CSTL1: variants seen among roughly 807,000 people sequenced by gnomAD.
CSTL1 encodes the protein cystatin like 1.
CSTL1 carries 14 observed loss-of-function variants against 14.4 expected under a neutral mutation model. The observed-to-expected ratio is 0.97, with a 90% CI of 0.64 to 1.52. The LOEUF (loss-of-function observed/expected upper bound fraction) is 1.52, where lower values mean the gene tolerates loss of function less well. Among genes scored for constraint, CSTL1 ranks in the 40% most tolerant of loss-of-function variants. The pLI is 0.00. For synonymous variants in CSTL1, 72 were observed against 67.5 expected (o/e 1.07, Z -0.33); for missense variants, 170 against 168.7 (o/e 1.01, Z -0.04).
chr20:23,443,565 C>T (rs1986888088), intron 2 of CSTL1, among the ~76,000 whole-genome samples: 1 of 149,812 alleles, frequency 6.7e-6, no homozygotes, highest in Non-Finnish European at 1.5e-5. Flanking sequence ...GCAGAAGGGA[C>T]TGGGGGGGTG....
In CSTL1 at chr20:23,443,997, G is replaced by GAC; in HGVS notation, c.286_287dup (p.Ser97ArgfsTer13). The GAC allele has an allele frequency of 6.2e-7, 1 of 1,614,204 alleles. No homozygotes were observed. The highest frequency in any genetic ancestry group is 2.2e-5 in the East Asian group (1 of 44,880). ...TGGCTGGACCAAATGCAAGAGGAAT[G>GAC]ACACGAGCAATTCTTCCTGCCCCCT... On this transcript the variant is annotated frameshift_variant, in exon 3 of 4. Coordinates refer to ENST00000347397, the MANE Select transcript of CSTL1 (RefSeq NM_138283.1). LOFTEE classifies it low-confidence loss of function (END_TRUNC).
chr20:23,450,924 C>T, the CSTL1 span, among the ~76,000 whole-genome samples: 1 of 152,192 alleles, frequency 6.6e-6, no homozygotes, highest in Non-Finnish European at 1.5e-5. Flanking sequence ...TCTCTTGGCT[C>T]CATTTATTCA....
In CSTL1 at chr20:23,444,824, G is replaced by C; in HGVS notation, c.384G>C (p.Gln128His). ...IYTMPWINYF[Q>H]LWNNSCLEAE... is the part of the protein sequence containing the mutation. The stretch of plus-strand genomic sequence containing the variant: ...CCATGCCCTGGATAAACTATTTCCA[G>C]CTCTGGAACAATTCCTGTCTGGAGG... Residue 128 changes from glutamine to histidine, a missense_variant, in exon 4 of 4, where the codon CAG becomes CAC. Coordinates refer to ENST00000347397, the MANE Select transcript of CSTL1 (RefSeq NM_138283.1). 1 of 1,614,096 alleles carries C rather than the reference G, an allele frequency of 6.2e-7. No homozygotes were observed. Among genetic ancestry groups the C allele is most frequent in the Non-Finnish European group, 8.5e-7 (1 of 1,179,976 alleles).
At chr20:23,449,303 C>G (rs1159085662), downstream of CSTL1, among the ~76,000 whole-genome samples, 2 of 152,130 alleles carry the variant, frequency 1.3e-5, no homozygotes, top group African/African-American at 2.4e-5. Flanking sequence ...AATTCATGCC[C>G]CCTAAGAGCC....
At chr20:23,444,569 G>C (rs1415450512) in intron 3 of CSTL1, among the ~76,000 whole-genome samples, 1 of 152,212 alleles carries the variant, frequency 6.6e-6, no homozygotes, top group Non-Finnish European at 1.5e-5. Context: ...TGGGTCCCAA[G>C]TGGCTGGGTA....
intron 2 of CSTL1, among the ~76,000 whole-genome samples, chr20:23,441,984 G>A (rs6048797): frequency 0.42 from 63,299 of 152,038 alleles, 13,588 homozygotes; most frequent in East Asian, 0.79. Flanking sequence ...CCACAGGCTG[G>A]CTCAGTGAGG....
At chr20:23,459,573 A>G in the CSTL1 span, 1 of 152,130 alleles carries the variant, frequency 6.6e-6, no homozygotes, top group Admixed American at 6.5e-5. Flanking sequence ...ACATGCACGC[A>G]CTTGCCCAAA....
At chr20:23,450,781 A>C in the CSTL1 span, among the ~76,000 whole-genome samples, 4 of 152,248 alleles carry the variant, frequency 2.6e-5, no homozygotes, top group East Asian at 5.8e-4. Flanking sequence ...GCTGAAATCA[A>C]AATAAATATC....
At chr20:23,447,300 T>C (rs1353616537), downstream of CSTL1, among the ~76,000 whole-genome samples, 1 of 152,240 alleles carries the variant, frequency 6.6e-6, no homozygotes, top group Admixed American at 6.5e-5. Flanking sequence ...TAGTTCACTT[T>C]CTTTATTGTA....
chr20:23,454,190 G>T, the CSTL1 span, among the ~76,000 whole-genome samples: 3 of 144,392 alleles, frequency 2.1e-5, no homozygotes, highest in African/African-American at 7.8e-5. Flanking sequence ...CATACACAAT[G>T]ACACTCACAC....
chr20:23,453,010 A>T, the CSTL1 span, among the ~76,000 whole-genome samples: 1 of 152,158 alleles, frequency 6.6e-6, no homozygotes, highest in Non-Finnish European at 1.5e-5. Flanking sequence ...TGGTTTTTGC[A>T]TAAGTTCATG....
Position 23,440,186 on chromosome 20 carries a change from A to C in CSTL1, c.-82A>C, listed in dbSNP as rs1986791432. On this transcript the variant is annotated 5_prime_UTR_variant, in exon 2 of 4. An upstream start codon of the reference 5' UTR is lost. Coordinates refer to ENST00000347397, the MANE Select transcript of CSTL1 (RefSeq NM_138283.1). ...AAAGCCTATGTTGGTGAGGGTTATG[A>C]TGGGAGAATGAGTGAACTGCAGCCT... 1 of 1,434,544 alleles carries C rather than the reference A, an allele frequency of 7.0e-7. No homozygotes were observed. Among genetic ancestry groups the C allele is most frequent in the East Asian group, 2.3e-5 (1 of 43,918 alleles). 88.9% of individuals were successfully genotyped at this position (1,434,544 alleles called of 1,614,324 possible).
chr20:23,456,356 C>G, the CSTL1 span, among the ~76,000 whole-genome samples: 1 of 152,160 alleles, frequency 6.6e-6, no homozygotes, highest in South Asian at 2.1e-4. Context: ...GGGAGGAGTG[C>G]TTGCTTCTTT....
the CSTL1 span, chr20:23,457,545 G>GTA: frequency 1.3e-5 from 2 of 151,526 alleles, no homozygotes; most frequent in South Asian, 2.1e-4. Flanking sequence ...ATGTATGTAT[G>GTA]TATATATATG....
chr20:23,452,254 G>C, the CSTL1 span, among the ~76,000 whole-genome samples: 61,193 of 152,000 alleles, frequency 0.4, 12,594 homozygotes, highest in Middle Eastern at 0.54. Flanking sequence ...TGTGGTCTCT[G>C]TAACTACTCA....
At chr20:23,451,878 A>G in the CSTL1 span, 38 of 1,613,920 alleles carry the variant, frequency 2.4e-5, no homozygotes, top group Non-Finnish European at 3.1e-5. Flanking sequence ...CAGGTGGTCC[A>G]CTGCATTTCC....
At chr20:23,453,449 C>T in the CSTL1 span, among the ~76,000 whole-genome samples, 3 of 152,040 alleles carry the variant, frequency 2.0e-5, no homozygotes, top group Admixed American at 6.5e-5. Context: ...GAGGCAGTGG[C>T]GAGGAAGCTT....
At chr20:23,451,868 C>T in the CSTL1 span, 73 of 1,614,058 alleles carry the variant, frequency 4.5e-5, 2 homozygotes, top group South Asian at 7.7e-4. Context: ...TGGCTTTTGG[C>T]AGGTGGTCCA....
chr20:23,444,712 C>T, intron 3 of CSTL1, 59 bp from the exon 4 acceptor site: 1 of 1,135,964 alleles, frequency 8.8e-7, no homozygotes, highest in South Asian at 1.2e-5. Flanking sequence ...GAACAGGTGC[C>T]TGTTGCTTGC....
Sources: gnomAD v4.1 joint callset for allele counts (sites outside exome capture counted in the v4.1 genomes callset) on GRCh38, gnomAD v4.1.1 for gene constraint, MANE v1.5 for transcripts, NCBI Gene and HGNC (gene_info 2026-07-23, HGNC 2026-07-21) for gene names.